Variants in PAXIP1 observed in about 807,000 individuals in gnomAD.
PAXIP1 encodes PAX interacting protein 1, also known as PAX-interacting protein 1.
In PAXIP1, 19 loss-of-function variants were observed where a neutral mutation model predicts 140.6. That is an observed-to-expected ratio of 0.14 (90% CI 0.09 to 0.20). PAXIP1 has a LOEUF of 0.20. Among genes scored for constraint, PAXIP1 ranks in the 10% least tolerant of loss-of-function variants. The probability of loss-of-function intolerance (pLI) is 1.00; values close to 1 mark genes in which losing one functional copy is unlikely to be tolerated. For missense variants in PAXIP1, 920 were observed against 1,208.6 expected (o/e 0.76, Z 3.54); for synonymous variants, 442 against 444.6 (o/e 0.99, Z 0.07).
At chr7:154,975,360 C>G (rs1809521942) in intron 6 of PAXIP1, among the ~76,000 whole-genome samples, 1 of 152,098 alleles carries the variant, frequency 6.6e-6, no homozygotes, top group Admixed American at 6.6e-5. Flanking sequence ...CTTCATTATT[C>G]TCTTTGCTGC....
Position 155,003,095 on chromosome 7 carries a change from C to CCGCCCGCGCCCG in PAXIP1, c.-178_-167dup, listed in dbSNP as rs566689569. 5.8e-6 allele frequency: 1 copy of CCGCCCGCGCCCG among 172,472 alleles called. No individual in the cohort carries two copies. The highest frequency in any genetic ancestry group is 1.9e-4 in the East Asian group (1 of 5,146). 10.7% of individuals were successfully genotyped at this position (172,472 alleles called of 1,614,324 possible). A position where few individuals can be genotyped will look rare whatever the true frequency, so the allele number is the denominator to read the frequency against. On this transcript the variant is annotated 5_prime_UTR_variant, in exon 1 of 21. Transcript: ENST00000404141. ...GTCCGCTCCCCCGCCCTCCGCGCCC[C>CCGCCCGCGCCCG]CGCCCGCGCCCGCGCCGAGCGCCCG...
chr7:154,959,682 AG>A (rs1808673731), intron 13 of PAXIP1, among the ~76,000 whole-genome samples: 1 of 152,204 alleles, frequency 6.6e-6, no homozygotes, highest in African/African-American at 2.4e-5. Flanking sequence ...AGCCCCAAGT[AG>A]GTTACACACC....
At chr7:154,955,479 C>T in intron 15 of PAXIP1, 50 bp downstream of exon 15, 1 of 1,097,282 alleles carries the variant, frequency 9.1e-7, no homozygotes, top group South Asian at 1.3e-5. Flanking sequence ...TAAATATATA[C>T]AAAAAAGGAC....
At chr7:154,959,490 CAGAT>C (rs1373572786) in intron 13 of PAXIP1, among the ~76,000 whole-genome samples, 1 of 152,212 alleles carries the variant, frequency 6.6e-6, no homozygotes, top group African/African-American at 2.4e-5. Context: ...TCATGCTTGA[CAGAT>C]GAGAATGCAG....
Position 154,946,182 on chromosome 7 carries a change from G to T in PAXIP1, c.3194+183C>A, listed in dbSNP as rs1054319092. ...AAACTGAACTCTCAGTAAGTTAAGAGAATATTTTTACTAGCAACTCAAATG... is the reference window on the plus strand; with the variant it reads ...AAACTGAACTCTCAGTAAGTTAAGATAATATTTTTACTAGCAACTCAAATG... On this transcript the variant is annotated intron_variant, in intron 20 of 20. Coordinates refer to ENST00000404141, the MANE Select transcript of PAXIP1 (RefSeq NM_007349.4). The surrounding 1 kb of genome is among the most constrained non-coding windows in gnomAD (Gnocchi z 4.9). 1 of 982,762 alleles carries T rather than the reference G, an allele frequency of 1.0e-6. No individual in the cohort carries two copies. Among genetic ancestry groups the T allele is most frequent in the African/African-American group, 1.7e-5 (1 of 57,272 alleles). 60.9% of individuals were successfully genotyped at this position (982,762 alleles called of 1,614,324 possible). A position where few individuals can be genotyped will look rare whatever the true frequency, so the allele number is the denominator to read the frequency against.
chr7:154,958,757 T>C (rs532744005), intron 13 of PAXIP1, among the ~76,000 whole-genome samples: 28 of 152,202 alleles, frequency 1.8e-4, no homozygotes, highest in Middle Eastern at 3.4e-3. Context: ...AAGCTGACAT[T>C]TGGGGCCCCT....
chr7:154,954,789 A>AT lies in PAXIP1; in HGVS notation c.2653-367_2653-366insA, dbSNP rs1808433512. 6.6e-6 allele frequency among the ~76,000 whole-genome samples: 1 copy of AT among 152,234 alleles called. No individual in the cohort carries two copies. Among genetic ancestry groups the AT allele is most frequent in the Admixed American group, 6.5e-5 (1 of 15,284 alleles). On this transcript the variant is annotated intron_variant, in intron 15 of 20. Coordinates refer to ENST00000404141, the MANE Select transcript of PAXIP1 (RefSeq NM_007349.4). This position sits in a 1 kb window ranked among gnomAD's most constrained non-coding sequence, Gnocchi z 5.1. The stretch of plus-strand genomic sequence containing the variant: ...TAGGCCAAAACTGGTGTTAATGAAG[A>AT]ACATTTACCTGCTATCTTCATTTTT...
Position 154,944,075 on chromosome 7 carries a change from C to T in PAXIP1, c.*74G>A, listed in dbSNP as rs200345216. 2.1e-3 allele frequency: 3,065 copies of T among 1,448,574 alleles called. 5 individuals are homozygous for T. Among genetic ancestry groups the T allele is most frequent in the Non-Finnish European group, 2.5e-3 (2,629 of 1,035,314 alleles). 89.7% of individuals were successfully genotyped at this position (1,448,574 alleles called of 1,614,324 possible). On this transcript the variant is annotated 3_prime_UTR_variant, in exon 21 of 21. Transcript: ENST00000404141. ...GGAAAACAAGAGCATGTGAAGGAAGCGCAGCAGCTCCTCGCCAGCCAGACA... is the reference window on the plus strand; with the variant it reads ...GGAAAACAAGAGCATGTGAAGGAAGTGCAGCAGCTCCTCGCCAGCCAGACA...
intron 5 of PAXIP1, among the ~76,000 whole-genome samples, chr7:154,981,067 G>T (rs1030740263): frequency 6.6e-6 from 1 of 152,102 alleles, no homozygotes; most frequent in African/African-American, 2.4e-5. Flanking sequence ...GATGCAGTGA[G>T]CTGAGATCGC....
intron 8 of PAXIP1, chr7:154,967,606 G>A: frequency 1.9e-6 from 1 of 526,404 alleles, no homozygotes; most frequent in Admixed American, 3.7e-5. Context: ...AAAATAAAAA[G>A]TCCACCATCT....
At chr7:154,962,513 A>G in intron 9 of PAXIP1, 55 bp from the exon 10 acceptor site, 1 of 1,530,940 alleles carries the variant, frequency 6.5e-7, no homozygotes, top group Admixed American at 2.0e-5. Context: ...TGCAGGATTA[A>G]AGAAAATTCT....
intron 4 of PAXIP1, among the ~76,000 whole-genome samples, chr7:154,989,711 A>G (rs912195724): frequency 6.6e-6 from 1 of 152,248 alleles, no homozygotes; most frequent in Non-Finnish European, 1.5e-5. Flanking sequence ...ATATTCAGAT[A>G]CTCAGAACTA....
chr7:154,984,775 T>G lies in PAXIP1; in HGVS notation c.325-1443A>C, dbSNP rs905572923. On this transcript the variant is annotated intron_variant, in intron 4 of 20. Coordinates refer to ENST00000404141, the MANE Select transcript of PAXIP1 (RefSeq NM_007349.4). ...ATTAATCCAATGAGTCATTATCTAA[T>G]CTTTATTAAAAATGAAATTAAAAAA... 2.6e-5 allele frequency among the ~76,000 whole-genome samples: 4 copies of G among 152,348 alleles called. No individual in the cohort carries two copies. In the East Asian group the frequency reaches 7.7e-4, roughly 29 times the overall value.
At chr7:154,947,005 A>G (rs1274788284) in intron 17 of PAXIP1, 192 bp from the exon 18 acceptor site, 2 of 497,834 alleles carry the variant, frequency 4.0e-6, no homozygotes, top group Non-Finnish European at 7.1e-6. Flanking sequence ...TTGGAATGTA[A>G]GCATTTTCAC....
chr7:154,975,437 C>T (rs1453324660), intron 6 of PAXIP1, among the ~76,000 whole-genome samples: 1 of 152,158 alleles, frequency 6.6e-6, no homozygotes, highest in Non-Finnish European at 1.5e-5. Context: ...CACTGACATC[C>T]TGGTTCTACT....
intron 1 of PAXIP1, among the ~76,000 whole-genome samples, chr7:154,999,113 C>T (rs1021278410): frequency 2.0e-5 from 3 of 152,204 alleles, no homozygotes; most frequent in African/African-American, 7.2e-5. Flanking sequence ...GGGCCACGCA[C>T]ATGGTGCTCC....
chr7:154,963,872 C>A lies in PAXIP1; in HGVS notation c.1894-106G>T. The A allele has an allele frequency of 1.4e-6, 1 of 738,444 alleles. No individual in the cohort carries two copies. The highest frequency in any genetic ancestry group is 1.6e-5 in the South Asian group (1 of 63,698). The allele number at this position is 738,444 out of a possible 1,614,324, so 45.7% of individuals were successfully genotyped here. A position where few individuals can be genotyped will look rare whatever the true frequency, so the allele number is the denominator to read the frequency against. On this transcript the variant is annotated intron_variant, in intron 8 of 20. Coordinates refer to ENST00000404141, the MANE Select transcript of PAXIP1 (RefSeq NM_007349.4). This position sits in a 1 kb window ranked among gnomAD's most constrained non-coding sequence, Gnocchi z 4.1. Reference sequence around the variant, plus strand: ...AAAAGACTCTATCATATATTTATATCATGTATTTCCTCAAAGTATCAAGGA... The same window carrying A: ...AAAAGACTCTATCATATATTTATATAATGTATTTCCTCAAAGTATCAAGGA...
chr7:154,953,570 G>A (rs879554103), intron 16 of PAXIP1, among the ~76,000 whole-genome samples: 21 of 152,084 alleles, frequency 1.4e-4, no homozygotes, highest in Non-Finnish European at 2.2e-4. Context: ...CCTAGATGAC[G>A]CACTGGGGAC....
Position 154,954,615 on chromosome 7 carries a change from T to C in PAXIP1, c.2653-192A>G, listed in dbSNP as rs1028186446. On this transcript the variant is annotated intron_variant, in intron 15 of 20. Transcript: ENST00000404141. The surrounding 1 kb of genome is among the most constrained non-coding windows in gnomAD (Gnocchi z 5.1). Reference sequence around the variant, plus strand: ...GAAAAATAAAAAAGAGAATTTATCATTTACATTTCTGTAGTTCAATTCCAC... The same window carrying C: ...GAAAAATAAAAAAGAGAATTTATCACTTACATTTCTGTAGTTCAATTCCAC... 6.6e-6 allele frequency among the ~76,000 whole-genome samples: 1 copy of C among 152,226 alleles called. No individual in the cohort carries two copies. Among genetic ancestry groups the C allele is most frequent in the African/African-American group, 2.4e-5 (1 of 41,452 alleles).
Sources: allele counts gnomAD v4.1 joint callset (sites outside exome capture counted in the v4.1 genomes callset), GRCh38; gene constraint gnomAD v4.1.1; non-coding constraint Gnocchi (gnomAD v3.1); transcripts MANE v1.5; gene names NCBI Gene and HGNC (gene_info 2026-07-23, HGNC 2026-07-21).